STK10: variants seen among roughly 807,000 people sequenced by gnomAD.
The protein encoded by STK10 is serine/threonine kinase 10.
In STK10, 78 loss-of-function variants were observed where a neutral mutation model predicts 113.8. That is an observed-to-expected ratio of 0.69 (90% CI 0.57 to 0.83). The LOEUF is 0.83. Among genes scored for constraint, STK10 ranks in the 40% least tolerant of loss-of-function variants. The probability of loss-of-function intolerance (pLI) is 0.00; values close to 1 mark genes in which losing one functional copy is unlikely to be tolerated. For missense variants in STK10, 1,109 were observed against 1,280.1 expected (o/e 0.87, Z 2.04); for synonymous variants, 465 against 494.7 (o/e 0.94, Z 0.80).
At chr5:172,184,166 C>T (rs1238288476) in intron 1 of STK10, among the ~76,000 whole-genome samples, 1 of 152,180 alleles carries the variant, frequency 6.6e-6, no homozygotes, top group Non-Finnish European at 1.5e-5. Flanking sequence ...TGGTTCCAGC[C>T]ATAACACCAA....
chr5:172,137,509 A>C (rs1769887488), intron 2 of STK10, among the ~76,000 whole-genome samples: 1 of 152,064 alleles, frequency 6.6e-6, no homozygotes. Context: ...GCACAGTTAA[A>C]CACCACTTCA....
chr5:172,146,756 T>C (rs985693152), intron 2 of STK10, among the ~76,000 whole-genome samples: 1 of 152,258 alleles, frequency 6.6e-6, no homozygotes, highest in Non-Finnish European at 1.5e-5. Context: ...AAAAGCTTGC[T>C]GTTGAGGAAT....
Position 172,156,807 on chromosome 5 carries a change from G to GGA in STK10, c.157-21_157-20dup. 6.2e-7 allele frequency: 1 copy of GGA among 1,604,338 alleles called. No individual in the cohort carries two copies. Reference sequence around the variant, plus strand: ...TCTTGGCCTGCAAAGAGGAGATACAGGAGGTCAACAAGGCATGCTCCGCAG... The same window carrying GGA: ...TCTTGGCCTGCAAAGAGGAGATACAGGAGAGGTCAACAAGGCATGCTCCGCAG... On this transcript the variant is annotated intron_variant, in intron 1 of 18. Transcript: ENST00000176763.
In STK10 at chr5:172,169,056, G is replaced by A. The variant is rs140355650; in HGVS notation, c.157-12268C>T. On this transcript the variant is annotated intron_variant, in intron 1 of 18. Transcript: ENST00000176763. ...CTGCCTACTTCCCAGCCCTCTTCAT[G>A]CTCCCTCCTCCACAGAGAACACCTC... 7.0e-3 allele frequency among the ~76,000 whole-genome samples: 1,063 copies of A among 151,908 alleles called. 17 individuals are homozygous for A. Among genetic ancestry groups the A allele is most frequent in the African/African-American group, 0.024 (986 of 41,408 alleles).
At chr5:172,170,535 C>T (rs568989281) in intron 1 of STK10, among the ~76,000 whole-genome samples, 10 of 152,310 alleles carry the variant, frequency 6.6e-5, no homozygotes, top group East Asian at 5.8e-4. Context: ...CTTTCAAAGA[C>T]GTGCCTTGAA....
chr5:172,102,740 T>C (rs1328320573), intron 7 of STK10, among the ~76,000 whole-genome samples: 4 of 152,140 alleles, frequency 2.6e-5, no homozygotes, highest in Admixed American at 2.0e-4. Context: ...GCAGCTGTGA[T>C]AGAGTGGACG....
At chr5:172,094,659 G>C (rs891868058) in intron 8 of STK10, among the ~76,000 whole-genome samples, 1 of 152,154 alleles carries the variant, frequency 6.6e-6, no homozygotes, top group African/African-American at 2.4e-5. Flanking sequence ...GCTGGGATTA[G>C]AGGTGTGTGC....
At chr5:172,101,573 C>T (rs1171720474) in intron 7 of STK10, among the ~76,000 whole-genome samples, 2 of 152,036 alleles carry the variant, frequency 1.3e-5, no homozygotes, top group East Asian at 1.9e-4. Flanking sequence ...AAAACAAAGA[C>T]GCTGTCCTCA....
chr5:172,164,211 TAA>T (rs57573746), intron 1 of STK10, among the ~76,000 whole-genome samples: 123 of 84,600 alleles, frequency 1.5e-3, no homozygotes, highest in African/African-American at 5.1e-3. Flanking sequence ...AAACTCCATC[TAA>T]AAAAAAAAAA....
intron 2 of STK10, among the ~76,000 whole-genome samples, chr5:172,135,508 T>C (rs923246529): frequency 1.3e-5 from 2 of 151,868 alleles, no homozygotes; most frequent in East Asian, 1.9e-4. Context: ...CGAGACTCCA[T>C]CTCAAAAAAC....
chr5:172,087,623 A>ATTTTT (rs1203616701), intron 10 of STK10, among the ~76,000 whole-genome samples: 7 of 85,188 alleles, frequency 8.2e-5, no homozygotes, highest in African/African-American at 4.1e-4. Context: ...TTACTTATTT[A>ATTTTT]TTTTTTTTTT....
intron 5 of STK10, 69 bp from the exon 6 acceptor site, chr5:172,106,883 G>A: frequency 6.8e-7 from 1 of 1,474,440 alleles, no homozygotes. Flanking sequence ...GACATTCAGG[G>A]TCAAGGGCCA....
chr5:172,177,758 T>G (rs1266575061), intron 1 of STK10, among the ~76,000 whole-genome samples: 1 of 152,238 alleles, frequency 6.6e-6, no homozygotes, highest in Non-Finnish European at 1.5e-5. Context: ...ATTGCCTGTA[T>G]AGCCTGCGTA....
chr5:172,057,021 GAA>G (rs769154550), intron 15 of STK10: 78 of 161,650 alleles, frequency 4.8e-4, no homozygotes, highest in East Asian at 3.4e-3. Flanking sequence ...AAGAAAGAAA[GAA>G]AGAAAGAAAG....
rs1743512340 is a variant in STK10 at position 172,082,456 on chromosome 5, T to G, written c.1859A>C (p.Gln620Pro). ...DTELENLERQ[Q>P]KQQVEKMEQD... ...CTCCATCTTCTCCACTTGCTGCTTT[T>G]GCTGACGCTCCAGGTTCTCTAATTC... The change falls in exon 12 of 19, where the codon CAA becomes CCA. Residue 620 changes from glutamine (Q) to proline (P), a missense_variant. Physicochemically the swap from Gln to Pro is moderately conservative, Grantham distance 76. This residue lies in a region of STK10 where 885 missense variants were observed against 991.1 expected (regional missense o/e 0.89). Transcript: ENST00000176763. This position sits in a 1 kb window ranked among gnomAD's most constrained non-coding sequence, Gnocchi z 4.3. 1.2e-6 allele frequency: 2 copies of G among 1,610,546 alleles called. No individual in the cohort carries two copies. Among genetic ancestry groups the G allele is most frequent in the Non-Finnish European group, 1.7e-6 (2 of 1,178,568 alleles).
At chr5:172,175,424 C>T (rs894633689) in intron 1 of STK10, among the ~76,000 whole-genome samples, 2 of 152,112 alleles carry the variant, frequency 1.3e-5, no homozygotes, top group Non-Finnish European at 2.9e-5. Flanking sequence ...TTTCAGCACT[C>T]ACCCTCCCTG....
chr5:172,089,475 T>TGGGTA (rs760470978), intron 10 of STK10, among the ~76,000 whole-genome samples: 1 of 151,666 alleles, frequency 6.6e-6, no homozygotes, highest in Non-Finnish European at 1.5e-5. Context: ...GAAGGCTGAA[T>TGGGTA]GGGTAGATGA....
At chr5:172,106,469 G>GCCTGAAGA in intron 6 of STK10, 151 bp downstream of exon 6, 1 of 566,550 alleles carries the variant, frequency 1.8e-6, no homozygotes, top group Non-Finnish European at 2.6e-6. Flanking sequence ...GCTCAGAAAC[G>GCCTGAAGA]CCTGAAGACC....
chr5:172,080,948 G>C (rs1258363659), intron 12 of STK10, among the ~76,000 whole-genome samples: 2 of 152,202 alleles, frequency 1.3e-5, no homozygotes, highest in African/African-American at 2.4e-5. Context: ...TCAATGCCTG[G>C]CTTCAAAGCT....
Sources: gnomAD v4.1 joint callset for allele counts (sites outside exome capture counted in the v4.1 genomes callset) on GRCh38, gnomAD v4.1.1 for gene constraint, gnomAD v4.1.1 regional missense constraint, Gnocchi (gnomAD v3.1) non-coding constraint, MANE v1.5 for transcripts, NCBI Gene and HGNC (gene_info 2026-07-23, HGNC 2026-07-21) for gene names.